Variants in MAGI3 observed in about 807,000 individuals in gnomAD.
The protein encoded by MAGI3 is membrane associated guanylate kinase, WW and PDZ domain containing 3.
MAGI3 carries 43 observed loss-of-function variants against 121.8 expected under a neutral mutation model. The observed-to-expected ratio is 0.35, with a 90% CI of 0.28 to 0.46. The LOEUF is 0.46. MAGI3 is among the 20% of genes least tolerant of loss of function. MAGI3 has a pLI of 1.00. For missense variants in MAGI3, 1,547 were observed against 1,797.3 expected (o/e 0.86, Z 2.52); for synonymous variants, 553 against 639.3 (o/e 0.86, Z 2.04).
chr1:113,612,635 C>CA (rs11390901), intron 6 of MAGI3, among the ~76,000 whole-genome samples: 114,282 of 151,766 alleles, frequency 0.75, 43,702 homozygotes, highest in African/African-American at 0.84. Flanking sequence ...CAAAACCAAA[C>CA]AAAAAAAACT....
At chr1:113,517,828 T>G (rs1658003200) in intron 1 of MAGI3, among the ~76,000 whole-genome samples, 1 of 152,010 alleles carries the variant, frequency 6.6e-6, no homozygotes, top group Admixed American at 6.6e-5. Flanking sequence ...ATTCTCTGTC[T>G]TGTTCCACCA....
intron 1 of MAGI3, among the ~76,000 whole-genome samples, chr1:113,521,406 GTT>G (rs1189784089): frequency 8.6e-5 from 10 of 116,736 alleles, no homozygotes; most frequent in South Asian, 2.8e-4. Flanking sequence ...GTTTTTTTTT[GTT>G]TTTTGTTTTT....
At chr1:113,564,371 T>G (rs1660351978) in intron 2 of MAGI3, among the ~76,000 whole-genome samples, 1 of 152,224 alleles carries the variant, frequency 6.6e-6, no homozygotes, top group Admixed American at 6.5e-5. Context: ...ACTGCTGCAC[T>G]TGACTGTTAT....
At chr1:113,531,142 TC>T (rs1658699854) in intron 1 of MAGI3, among the ~76,000 whole-genome samples, 1 of 152,162 alleles carries the variant, frequency 6.6e-6, no homozygotes, top group Admixed American at 6.5e-5. Flanking sequence ...TTCTCCACTT[TC>T]TTTTTTTTTA....
At chr1:113,481,464 A>G (rs896970133) in intron 1 of MAGI3, among the ~76,000 whole-genome samples, 2 of 152,178 alleles carry the variant, frequency 1.3e-5, no homozygotes, top group African/African-American at 2.4e-5. Flanking sequence ...AATTCACTAT[A>G]TATATAAAGC....
intron 1 of MAGI3, among the ~76,000 whole-genome samples, chr1:113,400,592 T>TA (rs1239692400): frequency 6.6e-6 from 1 of 152,172 alleles, no homozygotes; most frequent in Non-Finnish European, 1.5e-5. Flanking sequence ...CTGTAATAAT[T>TA]AGAGTTCTCC....
intron 2 of MAGI3, among the ~76,000 whole-genome samples, chr1:113,576,444 G>A (rs1227116868): frequency 6.6e-6 from 1 of 152,096 alleles, no homozygotes; most frequent in Non-Finnish European, 1.5e-5. Context: ...TCCTGGATGA[G>A]GCGCTGCCCC....
chr1:113,436,182 G>T (rs958997294), intron 1 of MAGI3, among the ~76,000 whole-genome samples: 3 of 151,998 alleles, frequency 2.0e-5, no homozygotes, highest in Non-Finnish European at 4.4e-5. Flanking sequence ...TGATAATTCA[G>T]AACAGGGCTG....
At chr1:113,673,283 C>A (rs781507121) in intron 18 of MAGI3, 39 bp from the exon 19 acceptor site, 3 of 1,598,320 alleles carry the variant, frequency 1.9e-6, no homozygotes, top group South Asian at 1.1e-5. Flanking sequence ...AGTAAACAGT[C>A]CATGAGAACT....
intron 1 of MAGI3, among the ~76,000 whole-genome samples, chr1:113,511,506 A>G (rs896374861): frequency 2.6e-5 from 4 of 152,224 alleles, no homozygotes; most frequent in African/African-American, 9.6e-5. Flanking sequence ...TGGTGTGGTC[A>G]CAAGAGCACA....
chr1:113,471,724 T>A (rs938519375), intron 1 of MAGI3, among the ~76,000 whole-genome samples: 4 of 152,236 alleles, frequency 2.6e-5, no homozygotes, highest in African/African-American at 4.8e-5. Context: ...AGGTTTTTTT[T>A]ATACCAGCAT....
At chr1:113,436,399 G>A (rs1435808804) in intron 1 of MAGI3, among the ~76,000 whole-genome samples, 3 of 152,128 alleles carry the variant, frequency 2.0e-5, no homozygotes, top group Non-Finnish European at 4.4e-5. Context: ...CAGTTTGTTT[G>A]TAAGAATGAT....
At chr1:113,432,698 A>C (rs1653367550) in intron 1 of MAGI3, among the ~76,000 whole-genome samples, 1 of 152,006 alleles carries the variant, frequency 6.6e-6, no homozygotes, top group African/African-American at 2.4e-5. Flanking sequence ...AATTTGGCTA[A>C]CTTAAAGAGT....
chr1:113,463,071 A>G (rs150093798), intron 1 of MAGI3, among the ~76,000 whole-genome samples: 4 of 152,242 alleles, frequency 2.6e-5, no homozygotes, highest in African/African-American at 9.6e-5. Flanking sequence ...TGAAATATCA[A>G]TCCTTACAAA....
At chr1:113,580,521 T>C in intron 2 of MAGI3, 21 bp from the exon 3 acceptor site, 3 of 1,577,822 alleles carry the variant, frequency 1.9e-6, no homozygotes, top group Non-Finnish European at 2.6e-6. Flanking sequence ...ACAACCTACT[T>C]TTTTTTTTCT....
chr1:113,564,535 A>G (rs921731793), intron 2 of MAGI3, among the ~76,000 whole-genome samples: 6 of 152,144 alleles, frequency 3.9e-5, no homozygotes, highest in African/African-American at 1.2e-4. Context: ...CTATTTTTCA[A>G]TGATCTCTAC....
chr1:113,682,176 T>C (rs74602990), intron 20 of MAGI3: 107 of 1,570,830 alleles, frequency 6.8e-5, no homozygotes, highest in Middle Eastern at 1.7e-4. Context: ...TTTTTTTTTT[T>C]CACATAGTCC....
chr1:113,639,988 C>A (rs1652351479), intron 9 of MAGI3, among the ~76,000 whole-genome samples: 2 of 152,186 alleles, frequency 1.3e-5, no homozygotes, highest in Non-Finnish European at 2.9e-5. Context: ...CCTGAGCCAC[C>A]ACGCCCAGCC....
chr1:113,460,040 A>T (rs572177334), intron 1 of MAGI3, among the ~76,000 whole-genome samples: 1 of 152,328 alleles, frequency 6.6e-6, no homozygotes, highest in South Asian at 2.1e-4. Flanking sequence ...TTGCAAACTG[A>T]ATCCAACAGC....
Sources: gnomAD v4.1 joint callset for allele counts (sites outside exome capture counted in the v4.1 genomes callset) on GRCh38, gnomAD v4.1.1 for gene constraint, MANE v1.5 for transcripts, NCBI Gene and HGNC (gene_info 2026-07-23, HGNC 2026-07-21) for gene names.